The following CAST variants were observed in gnomAD, a reference collection of about 807,000 sequenced individuals.
The protein encoded by CAST is MIR583 host.
A neutral mutation model predicts 119.6 loss-of-function variants in CAST; 76 were observed. The observed-to-expected ratio is 0.64, with a 90% confidence interval of 0.53 to 0.77. The LOEUF is 0.77. Ranked by LOEUF, CAST falls within the 30% of genes least tolerant of loss-of-function variation. The pLI is 0.00. For missense variants in CAST, 953 were observed against 946.5 expected, an observed-to-expected ratio of 1.01 and a Z score of -0.09; for synonymous variants, 319 against 331.6, an observed-to-expected ratio of 0.96 and a Z score of 0.41.
the CAST span, among the ~76,000 whole-genome samples, chr5:96,046,430 T>C: frequency 1.3e-3 from 198 of 152,224 alleles, no homozygotes; most frequent in African/African-American, 4.7e-3. Flanking sequence ...AATTCTGACT[T>C]AGTCTTTAAT....
At chr5:96,657,740 G>A (rs185731752), upstream of CAST, among the ~76,000 whole-genome samples, 47 of 152,238 alleles carry the variant, frequency 3.1e-4, 1 homozygote, top group Admixed American at 3.1e-3. Flanking sequence ...GAAAGTTAGT[G>A]GAAAGTGGCA....
the CAST span, among the ~76,000 whole-genome samples, chr5:96,318,039 A>T: frequency 3.9e-5 from 6 of 152,246 alleles, no homozygotes; most frequent in African/African-American, 1.2e-4. Flanking sequence ...AGTTGTTGTA[A>T]CAATAGCTCA....
the CAST span, among the ~76,000 whole-genome samples, chr5:96,382,286 A>T: frequency 1.3e-5 from 2 of 152,168 alleles, no homozygotes; most frequent in Non-Finnish European, 1.5e-5. Flanking sequence ...TAGCTATGCG[A>T]CCTTGATCAG....
chr5:96,433,403 A>G, the CAST span: 1 of 359,710 alleles, frequency 2.8e-6, no homozygotes, highest in East Asian at 6.9e-5. Context: ...AGGGATTAGG[A>G]AAAGGAAGGA....
At chr5:96,486,556 GT>G in the CAST span, among the ~76,000 whole-genome samples, 12 of 152,184 alleles carry the variant, frequency 7.9e-5, no homozygotes, top group Non-Finnish European at 1.8e-4. Flanking sequence ...GTTTCATATA[GT>G]TATCTCATGG....
chr5:96,716,759 T>G (rs1294869144), intron 3 of CAST, among the ~76,000 whole-genome samples: 3 of 152,234 alleles, frequency 2.0e-5, no homozygotes, highest in Non-Finnish European at 4.4e-5. Flanking sequence ...AATTAGTTAT[T>G]GATTTGTCAG....
chr5:96,405,540 A>T, the CAST span, among the ~76,000 whole-genome samples: 3 of 152,172 alleles, frequency 2.0e-5, no homozygotes, highest in East Asian at 5.8e-4. Flanking sequence ...GCATGGTGGC[A>T]CATGCCTGTA....
intron 28 of CAST, among the ~76,000 whole-genome samples, 167 bp from the exon 29 acceptor site, chr5:96,767,740 T>G (rs1402984204): frequency 6.6e-6 from 1 of 152,140 alleles, no homozygotes; most frequent in African/African-American, 2.4e-5. Context: ...CCATCAAGAT[T>G]TTCTTGTTTT....
At chr5:96,429,790 G>A in the CAST span, among the ~76,000 whole-genome samples, 1 of 152,166 alleles carries the variant, frequency 6.6e-6, no homozygotes, top group Non-Finnish European at 1.5e-5. Context: ...GGCACTGATA[G>A]AGGTCTTAAG....
chr5:96,482,121 A>G, the CAST span, among the ~76,000 whole-genome samples: 1 of 152,130 alleles, frequency 6.6e-6, no homozygotes, highest in Non-Finnish European at 1.5e-5. Context: ...TTTAATTAAA[A>G]CAGTGAAAGA....
the CAST span, among the ~76,000 whole-genome samples, chr5:96,277,317 C>A: frequency 6.6e-6 from 1 of 152,130 alleles, no homozygotes; most frequent in Admixed American, 6.5e-5. Flanking sequence ...TGTCTAAATT[C>A]CATTTCCCCA....
At chr5:96,265,590 T>C in the CAST span, among the ~76,000 whole-genome samples, 1,150 of 152,270 alleles carry the variant, frequency 7.6e-3, 10 homozygotes, top group African/African-American at 0.025. Flanking sequence ...AGGCCCTCAA[T>C]TTATGAATAA....
chr5:96,280,413 C>CT, the CAST span, among the ~76,000 whole-genome samples: 1 of 152,164 alleles, frequency 6.6e-6, no homozygotes, highest in Non-Finnish European at 1.5e-5. Flanking sequence ...AATGAAATGA[C>CT]TAACAATGAA....
At chr5:96,766,790 T>C (rs572919662) in intron 27 of CAST, among the ~76,000 whole-genome samples, 10 of 152,278 alleles carry the variant, frequency 6.6e-5, no homozygotes, top group East Asian at 1.9e-4. Flanking sequence ...TCCATGCCTG[T>C]TCATCAAATA....
the CAST span, among the ~76,000 whole-genome samples, chr5:96,183,856 T>C: frequency 1.3e-5 from 2 of 152,232 alleles, no homozygotes; most frequent in Admixed American, 6.5e-5. Flanking sequence ...GACATGAACA[T>C]TATGTTGAAA....
At chr5:96,691,646 A>G (rs1421657953) in intron 2 of CAST, among the ~76,000 whole-genome samples, 1 of 152,162 alleles carries the variant, frequency 6.6e-6, no homozygotes, top group Non-Finnish European at 1.5e-5. Flanking sequence ...GATATGTTGT[A>G]ACTCATTTAA....
At chr5:96,006,457 A>G in the CAST span, among the ~76,000 whole-genome samples, 1 of 152,076 alleles carries the variant, frequency 6.6e-6, no homozygotes, top group Non-Finnish European at 1.5e-5. Context: ...GTCCAAGCCC[A>G]CACATGCAGC....
At chr5:96,482,968 C>G in the CAST span, among the ~76,000 whole-genome samples, 11,644 of 152,204 alleles carry the variant, frequency 0.077, 1,503 homozygotes, top group African/African-American at 0.27. Context: ...ACATCAATCA[C>G]TTCTGAGCTC....
At chr5:96,456,542 C>A in the CAST span, among the ~76,000 whole-genome samples, 130 of 152,324 alleles carry the variant, frequency 8.5e-4, 4 homozygotes, top group East Asian at 0.019. Flanking sequence ...ATTCTGAATT[C>A]TCTGACTAAT....
Sources: allele counts gnomAD v4.1 joint callset (sites outside exome capture counted in the v4.1 genomes callset), GRCh38; gene constraint gnomAD v4.1.1; transcripts MANE v1.5; gene names NCBI Gene and HGNC (gene_info 2026-07-23, HGNC 2026-07-21).